The following RAP1A variants were observed in gnomAD, a reference collection of about 807,000 sequenced individuals.
RAP1A encodes RAP1A, member of RAS oncogene family.
In RAP1A, 6 loss-of-function variants were observed where a neutral mutation model predicts 26.4. The ratio of observed to expected loss-of-function variants is 0.23; its 90% CI spans 0.12 to 0.45. RAP1A has a LOEUF of 0.45. Ranked by LOEUF, RAP1A falls within the 20% of genes least tolerant of loss-of-function variation. RAP1A has a pLI of 0.99. For synonymous variants in RAP1A, 73 were observed against 79.4 expected (o/e 0.92, Z 0.43); for missense variants, 121 against 217.2 (o/e 0.56, Z 2.78).
chr1:111,689,339 C>G (rs1249878670), intron 1 of RAP1A, among the ~76,000 whole-genome samples: 1 of 151,504 alleles, frequency 6.6e-6, no homozygotes, highest in Non-Finnish European at 1.5e-5. Flanking sequence ...TCCTGTCTCC[C>G]TTTCCCCTTC....
intron 1 of RAP1A, among the ~76,000 whole-genome samples, chr1:111,568,905 T>C (rs1306405974): frequency 6.6e-6 from 1 of 152,210 alleles, no homozygotes; most frequent in Non-Finnish European, 1.5e-5. Context: ...ACTTAATTAA[T>C]AGTAAATACA....
At chr1:111,659,277 G>C (rs1004857827) in intron 1 of RAP1A, among the ~76,000 whole-genome samples, 5 of 152,094 alleles carry the variant, frequency 3.3e-5, no homozygotes, top group African/African-American at 1.2e-4. Context: ...GTAAGAGACT[G>C]ACAGCAATAC....
intron 1 of RAP1A, among the ~76,000 whole-genome samples, chr1:111,664,229 C>A (rs554296066): frequency 5.9e-5 from 9 of 152,108 alleles, no homozygotes; most frequent in African/African-American, 2.2e-4. Flanking sequence ...AAAAAATTAT[C>A]CGGGCATGGT....
intron 1 of RAP1A, among the ~76,000 whole-genome samples, chr1:111,676,940 C>T (rs931564730): frequency 2.6e-5 from 4 of 151,938 alleles, no homozygotes; most frequent in African/African-American, 7.3e-5. Context: ...ATTACAGGTG[C>T]GTGCCACCAC....
At chr1:111,631,428 G>A (rs1022818724) in intron 1 of RAP1A, among the ~76,000 whole-genome samples, 3 of 152,156 alleles carry the variant, frequency 2.0e-5, no homozygotes, top group Non-Finnish European at 2.9e-5. Context: ...GTTTTTGAGT[G>A]TAGACCCCTT....
chr1:111,692,145 T>C (rs1023609379), intron 2 of RAP1A, among the ~76,000 whole-genome samples: 1 of 152,124 alleles, frequency 6.6e-6, no homozygotes, highest in Non-Finnish European at 1.5e-5. Flanking sequence ...AGAACTGACA[T>C]AACTTGGTGC....
intron 1 of RAP1A, among the ~76,000 whole-genome samples, chr1:111,683,187 A>G (rs565418376): frequency 6.6e-6 from 1 of 152,378 alleles, no homozygotes; most frequent in South Asian, 2.1e-4. Flanking sequence ...AGGGAAATTT[A>G]TAGCACTACA....
chr1:111,691,558 T>C (rs770003706), intron 2 of RAP1A, 141 bp downstream of exon 2: 5 of 706,712 alleles, frequency 7.1e-6, no homozygotes, highest in Non-Finnish European at 1.2e-5. Context: ...GGACAGGAAA[T>C]CATTTAATAA....
intron 1 of RAP1A, among the ~76,000 whole-genome samples, chr1:111,568,983 T>TA (rs1657983400): frequency 6.6e-6 from 1 of 152,168 alleles, no homozygotes; most frequent in African/African-American, 2.4e-5. Flanking sequence ...AAAAATACAA[T>TA]ATATAATACA....
chr1:111,619,625 T>C (rs1659100542), upstream of RAP1A, among the ~76,000 whole-genome samples: 1 of 152,114 alleles, frequency 6.6e-6, no homozygotes. Flanking sequence ...TCCCGGTAGC[T>C]CCAGGCTTTC....
At chr1:111,688,886 G>A (rs1234523680) in intron 1 of RAP1A, among the ~76,000 whole-genome samples, 1 of 150,042 alleles carries the variant, frequency 6.7e-6, no homozygotes, top group East Asian at 2.0e-4. Flanking sequence ...CCAGGCAGGA[G>A]TGCAGTGGGA....
chr1:111,572,490 G>T (rs1047119970), intron 1 of RAP1A, among the ~76,000 whole-genome samples: 1 of 152,190 alleles, frequency 6.6e-6, no homozygotes, highest in African/African-American at 2.4e-5. Flanking sequence ...TTTATCCCCT[G>T]ATTCACTTCT....
rs71078091 is a variant in RAP1A at position 111,704,148 on chromosome 1, ATT to A, written c.325-180_325-179del. On this transcript the variant is annotated intron_variant, in intron 5 of 7. Coordinates refer to ENST00000369709, the MANE Select transcript of RAP1A (RefSeq NM_002884.4). ...ATATCTATGTAGTAGGATCTCTTCC[ATT>A]TTTTTTTTTTTTTTGTCTCTTCCTT... Among the ~76,000 whole-genome samples the A allele has an allele frequency of 5.3e-3, 729 of 136,846 alleles. 3 individuals are homozygous for A. The highest frequency in any genetic ancestry group is 0.018 in the African/African-American group (650 of 36,624). The allele number at this position is 136,846 out of a possible 152,430, so 89.8% of individuals were successfully genotyped here.
chr1:111,605,708 GA>G (rs1468077420), intron 1 of RAP1A, among the ~76,000 whole-genome samples: 2 of 152,310 alleles, frequency 1.3e-5, no homozygotes, highest in South Asian at 2.1e-4. Context: ...TAAGAACAAA[GA>G]AAATTAGGCA....
At chr1:111,680,988 T>C (rs1661275877) in intron 1 of RAP1A, among the ~76,000 whole-genome samples, 1 of 152,190 alleles carries the variant, frequency 6.6e-6, no homozygotes, top group Admixed American at 6.5e-5. Flanking sequence ...GGCTCACGCC[T>C]GTAATCCCAG....
rs1350764439 is a variant in RAP1A, at chr1:111,619,833, C to G, written c.-129C>G. ...CTGCCGCCGCCGCTCCCGCTGCTGTCGCCGCGCAGAGCCGGAGCAGGAGCC... is the reference window on the plus strand; with the variant it reads ...CTGCCGCCGCCGCTCCCGCTGCTGTGGCCGCGCAGAGCCGGAGCAGGAGCC... On this transcript the variant is annotated 5_prime_UTR_variant, in exon 1 of 8. Coordinates refer to ENST00000369709, the MANE Select transcript of RAP1A (RefSeq NM_002884.4). 5 of 398,890 alleles carry G rather than the reference C, an allele frequency of 1.3e-5. No homozygotes were observed. The highest frequency in any genetic ancestry group is 3.6e-5 in the East Asian group (1 of 28,076). The allele number at this position is 398,890 out of a possible 1,614,324, so 24.7% of individuals were successfully genotyped here.
chr1:111,599,599 C>G (rs1020752859), intron 1 of RAP1A: 1 of 152,190 alleles, frequency 6.6e-6, no homozygotes, highest in Non-Finnish European at 1.5e-5. Context: ...AAGTCTCAAC[C>G]CTCTAATTAT....
intron 1 of RAP1A, among the ~76,000 whole-genome samples, chr1:111,637,102 T>G (rs908665878): frequency 1.3e-5 from 2 of 152,216 alleles, no homozygotes; most frequent in African/African-American, 4.8e-5. Flanking sequence ...TTTTTCAATT[T>G]ATTTATCTCC....
At chr1:111,655,266 C>CAA (rs5777071) in intron 1 of RAP1A, among the ~76,000 whole-genome samples, 5,770 of 142,050 alleles carry the variant, frequency 0.041, 238 homozygotes, top group African/African-American at 0.1. Context: ...TGCAATAAAA[C>CAA]AAAAAAAAAA....
Sources: gnomAD v4.1 joint callset for allele counts (sites outside exome capture counted in the v4.1 genomes callset) on GRCh38, gnomAD v4.1.1 for gene constraint, MANE v1.5 for transcripts, NCBI Gene and HGNC (gene_info 2026-07-23, HGNC 2026-07-21) for gene names.